The following GRIK5 variants were observed in gnomAD, a reference collection of about 807,000 sequenced individuals.
GRIK5 encodes glutamate receptor ionotropic, kainate 5.
GRIK5 carries 43 observed loss-of-function variants against 97.4 expected under a neutral mutation model. The ratio of observed to expected loss-of-function variants is 0.44; its 90% CI spans 0.35 to 0.57. The LOEUF (loss-of-function observed/expected upper bound fraction) is 0.57, where lower values mean the gene tolerates loss of function less well. Among genes scored for constraint, GRIK5 ranks in the 20% least tolerant of loss-of-function variants. The pLI is 0.01. For synonymous variants in GRIK5, 580 were observed against 583.5 expected, an observed-to-expected ratio of 0.99 and a Z score of 0.09; for missense variants, 1,015 against 1,382.0, an observed-to-expected ratio of 0.73 and a Z score of 4.21.
chr19:42,068,629 G>C (rs2076375650), intron 1 of GRIK5: 2 of 426,688 alleles, frequency 4.7e-6, no homozygotes, highest in African/African-American at 2.0e-5. Flanking sequence ...AAGAGAAATG[G>C]AAAGAGACCT....
chr19:42,005,237 C>CA (rs56825931), intron 17 of GRIK5, among the ~76,000 whole-genome samples: 75,314 of 88,822 alleles, frequency 0.85, 31,681 homozygotes, highest in African/African-American at 0.88. Context: ...GACTCCGTCT[C>CA]AAAAAAAAAA....
chr19:42,069,015 G>C, intron 1 of GRIK5: 2 of 517,288 alleles, frequency 3.9e-6, no homozygotes, highest in Non-Finnish European at 6.9e-6. Flanking sequence ...CAGAAAGCTA[G>C]AGGGCCAGGG....
intron 11 of GRIK5, among the ~76,000 whole-genome samples, chr19:42,049,750 T>C (rs760245922): frequency 8.5e-5 from 13 of 152,210 alleles, no homozygotes; most frequent in South Asian, 2.1e-4. Flanking sequence ...TGTGTTACAC[T>C]TCAGTGAAAA....
chr19:42,040,468 C>T (rs1033889611), intron 12 of GRIK5, among the ~76,000 whole-genome samples: 1 of 152,224 alleles, frequency 6.6e-6, no homozygotes, highest in African/African-American at 2.4e-5. Context: ...AAACAGGTCA[C>T]GAGGAAGCCT....
Position 41,998,943 on chromosome 19 carries a change from G to C in GRIK5, c.2871C>G (p.Pro957=). 2 of 1,130,586 alleles carry C rather than the reference G, an allele frequency of 1.8e-6. No homozygotes were observed. The highest frequency in any genetic ancestry group is 2.2e-6 in the Non-Finnish European group (2 of 924,486). The allele number at this position is 1,130,586 out of a possible 1,614,324, so 70.0% of individuals were successfully genotyped here. Residue 957 remains proline, a synonymous_variant, in exon 20 of 20, where the codon CCC becomes CCG. Coordinates refer to ENST00000593562, the MANE Select transcript of GRIK5 (RefSeq NM_002088.5). ...AGAPPRGLGV[P]AEATSPPRPR... Reference sequence around the variant, plus strand: ...GCCGGGGCGGGCTGGTGGCTTCGGCGGGGACGCCCAGGCCACGCGGAGGCG... The same window carrying C: ...GCCGGGGCGGGCTGGTGGCTTCGGCCGGGACGCCCAGGCCACGCGGAGGCG...
intron 12 of GRIK5, among the ~76,000 whole-genome samples, chr19:42,039,872 C>T (rs986709781): frequency 6.6e-6 from 1 of 151,380 alleles, no homozygotes; most frequent in Non-Finnish European, 1.5e-5. Context: ...CCCAGCAACT[C>T]GGGAGGCTGA....
chr19:42,059,354 G>A lies in GRIK5; in HGVS notation c.682C>T (p.Arg228Cys), dbSNP rs141012226. The change falls in exon 6 of 20, where the codon CGT (arginine) becomes TGT (cysteine). Residue 228 changes from arginine to cysteine, a missense_variant. Physicochemically the swap from Arg to Cys is radical, Grantham distance 180. Coordinates refer to ENST00000593562, the MANE Select transcript of GRIK5 (RefSeq NM_002088.5). ...ANASISHLIL[R>C]KASELGMTSA... ...ATCAGAGGTAGGGGCCTCACCTTACGGAGGATGAGGTGGGAGATGGAGGCG... is the reference window on the plus strand; with the variant it reads ...ATCAGAGGTAGGGGCCTCACCTTACAGAGGATGAGGTGGGAGATGGAGGCG... The A allele has an allele frequency of 5.5e-4, 890 of 1,612,314 alleles. 1 individual carries two copies. Among genetic ancestry groups the A allele is most frequent in the Admixed American group, 9.7e-4 (58 of 59,988 alleles).
At position 42,021,621 on chromosome 19, in the gene GRIK5, CAG is replaced by C. The variant is rs1198037562; in HGVS notation, c.1698-149_1698-148del. Reference sequence around the variant, plus strand: ...TGGACAGAAGCACACAGAGAAAAGGCAGAGAGAGATGCACAGAGATGGAGACA... The same window carrying C: ...TGGACAGAAGCACACAGAGAAAAGGCAGAGAGATGCACAGAGATGGAGACA... On this transcript the variant is annotated intron_variant, in intron 14 of 19. Coordinates refer to ENST00000593562, the MANE Select transcript of GRIK5 (RefSeq NM_002088.5). The surrounding 1 kb of genome is among the most constrained non-coding windows in gnomAD (Gnocchi z 4.2). 4 of 640,652 alleles carry C rather than the reference CAG, an allele frequency of 6.2e-6. No homozygotes were observed. The highest frequency in any genetic ancestry group is 5.6e-5 in the East Asian group (2 of 35,512). The allele number at this position is 640,652 out of a possible 1,614,324, so 39.7% of individuals were successfully genotyped here.
At chr19:42,033,115 C>G (rs1016344570) in intron 12 of GRIK5, among the ~76,000 whole-genome samples, 1 of 152,120 alleles carries the variant, frequency 6.6e-6, no homozygotes, top group African/African-American at 2.4e-5. Flanking sequence ...GTCAGGAGAT[C>G]AAGACCATCC....
At chr19:42,054,263 G>A (rs543560321) in intron 9 of GRIK5, 57 bp downstream of exon 9, 287 of 1,551,580 alleles carry the variant, frequency 1.8e-4, no homozygotes, top group African/African-American at 7.6e-4. Context: ...CACAGTGAGC[G>A]CTCCCACCTG....
In GRIK5 at chr19:42,030,739, C is replaced by T. The variant is rs924816765; in HGVS notation, c.1474-8385G>A. On this transcript the variant is annotated intron_variant, in intron 12 of 19. Transcript: ENST00000593562. ...TTAGCCTTCCAAAGTGCTGGGATTA[C>T]AGGCATTAGCCACTGCATCTGGCAA... Among the ~76,000 whole-genome samples, 7 of 152,242 alleles carry T rather than the reference C, an allele frequency of 4.6e-5. No homozygotes were observed. In the East Asian group the frequency reaches 1.2e-3, roughly 25 times the overall value.
rs572734007 is a variant in GRIK5 at position 42,035,160 on chromosome 19, C to T, written c.1473+7392G>A. Among the ~76,000 whole-genome samples the T allele has an allele frequency of 2.2e-4, 34 of 151,790 alleles. No homozygotes were observed. The East Asian group carries it at 6.5e-3, about 29-fold the overall frequency. On this transcript the variant is annotated intron_variant, in intron 12 of 19. Coordinates refer to ENST00000593562, the MANE Select transcript of GRIK5 (RefSeq NM_002088.5). ...CATCCAGCTAATTTTTTTGTATTTT[C>T]AGTAGAGATGGGGTTTCTCCATGTT...
In GRIK5 at chr19:42,063,966, C is replaced by T. The variant is rs140341485; in HGVS notation, c.245-1111G>A. Among the ~76,000 whole-genome samples the T allele has an allele frequency of 5.5e-4, 84 of 152,328 alleles. 2 individuals are homozygous for T. In the East Asian group the frequency reaches 0.015, roughly 27 times the overall value. ...AAACTGGCTCCTTCTGGACCTTCCA[C>T]ACTGGTAAGGGCCCCACCATTCACA... is the stretch of plus-strand genomic sequence containing the variant. On this transcript the variant is annotated intron_variant, in intron 3 of 19. Coordinates refer to ENST00000593562, the MANE Select transcript of GRIK5 (RefSeq NM_002088.5).
chr19:42,002,326 G>A lies in GRIK5; in HGVS notation c.2514+1006C>T, dbSNP rs782598388. On this transcript the variant is annotated intron_variant, in intron 19 of 19. Coordinates refer to ENST00000593562, the MANE Select transcript of GRIK5 (RefSeq NM_002088.5). The surrounding 1 kb of genome is among the most constrained non-coding windows in gnomAD (Gnocchi z 5.2). The stretch of plus-strand genomic sequence containing the variant: ...GAGGTCAGGAGAGGGTTTAAGACTG[G>A]AGAAATGACAGCATATTTGTACGTT... The A allele has an allele frequency of 3.3e-4, 240 of 717,650 alleles. 2 individuals carry two copies. In the South Asian group the frequency reaches 3.5e-3, roughly 10 times the overall value. 44.5% of individuals were successfully genotyped at this position (717,650 alleles called of 1,614,324 possible).
At chr19:42,004,679 T>C (rs1456817897) in intron 17 of GRIK5, among the ~76,000 whole-genome samples, 1 of 152,194 alleles carries the variant, frequency 6.6e-6, no homozygotes, top group African/African-American at 2.4e-5. Context: ...TGGCATACAG[T>C]GGCATGATCA....
intron 12 of GRIK5, among the ~76,000 whole-genome samples, chr19:42,028,350 C>A (rs2075797210): frequency 6.6e-6 from 1 of 152,124 alleles, no homozygotes; most frequent in Admixed American, 6.5e-5. Context: ...ATCCTGTATA[C>A]CCTGTTCTGT....
rs1461743228 is a variant in GRIK5 at position 41,999,104 on chromosome 19, C to T, written c.2710G>A (p.Gly904Arg). The change falls in exon 20 of 20, where the codon GGG becomes AGG. Residue 904 changes from glycine (G) to arginine (R), a missense_variant. Gly to Arg is a moderately radical substitution (Grantham distance 125). Around this residue, in one of 5 missense-constraint regions of GRIK5, gnomAD observed 229 missense variants for 341.0 expected, o/e 0.67. Transcript: ENST00000593562. This position sits in a 1 kb window ranked among gnomAD's most constrained non-coding sequence, Gnocchi z 5.0. ...GAGGDAGSAH[G>R]GPQRLLDDPG... Reference sequence around the variant, plus strand: ...TCGTCCAGGAGGCGCTGCGGGCCCCCGTGCGCGCTGCCCGCATCCCCGCCC... The same window carrying T: ...TCGTCCAGGAGGCGCTGCGGGCCCCTGTGCGCGCTGCCCGCATCCCCGCCC... The T allele has an allele frequency of 4.4e-6, 6 of 1,368,244 alleles. No homozygotes were observed. In the East Asian group the frequency reaches 1.6e-4, roughly 36 times the overall value. The allele number at this position is 1,368,244 out of a possible 1,614,324, so 84.8% of individuals were successfully genotyped here. A position where few individuals can be genotyped will look rare whatever the true frequency, so the allele number is the denominator to read the frequency against.
At chr19:42,036,719 G>C (rs2075910413) in intron 12 of GRIK5, among the ~76,000 whole-genome samples, 1 of 152,184 alleles carries the variant, frequency 6.6e-6, no homozygotes, top group Non-Finnish European at 1.5e-5. Context: ...CTCCTTGATA[G>C]AATCAGTCAA....
intron 5 of GRIK5, among the ~76,000 whole-genome samples, chr19:42,060,664 C>T (rs1468697108): frequency 6.6e-6 from 1 of 151,916 alleles, no homozygotes; most frequent in African/African-American, 2.4e-5. Flanking sequence ...CACCTCCTTG[C>T]TGTTCTGCAC....
Sources: gnomAD v4.1 joint callset for allele counts (sites outside exome capture counted in the v4.1 genomes callset) on GRCh38, gnomAD v4.1.1 for gene constraint, gnomAD v4.1.1 regional missense constraint, Gnocchi (gnomAD v3.1) non-coding constraint, MANE v1.5 for transcripts, NCBI Gene and HGNC (gene_info 2026-07-23, HGNC 2026-07-21) for gene names.